The following SPAG16 variants were observed in gnomAD, a reference collection of about 807,000 sequenced individuals.
SPAG16 encodes sperm associated antigen 16.
SPAG16 carries 86 observed loss-of-function variants against 80.4 expected under a neutral mutation model. The observed-to-expected ratio is 1.07, with a 90% confidence interval of 0.90 to 1.28. The LOEUF (loss-of-function observed/expected upper bound fraction) is 1.28, where lower values mean the gene tolerates loss of function less well. SPAG16 is among the 50% of genes most tolerant of loss of function. The pLI is 0.00. For synonymous variants in SPAG16, 294 were observed against 265.9 expected (o/e 1.11, Z -1.03); for missense variants, 870 against 765.3 (o/e 1.14, Z -1.61).
intron 10 of SPAG16, among the ~76,000 whole-genome samples, chr2:213,720,471 CAAAAA>C (rs57358797): frequency 7.4e-6 from 1 of 135,692 alleles, no homozygotes; most frequent in Non-Finnish European, 1.6e-5. Context: ...ACTAAAAATA[CAAAAA>C]AAAAAAAAAA....
At chr2:213,818,346 G>T (rs961507970) in intron 10 of SPAG16, among the ~76,000 whole-genome samples, 5 of 152,006 alleles carry the variant, frequency 3.3e-5, no homozygotes, top group Non-Finnish European at 5.9e-5. Flanking sequence ...GACCTCAGAG[G>T]AACTTTATCT....
At chr2:214,166,607 C>G (rs2056666314) in intron 15 of SPAG16, among the ~76,000 whole-genome samples, 5 of 152,138 alleles carry the variant, frequency 3.3e-5, no homozygotes, top group Admixed American at 3.3e-4. Context: ...ATTCCTCTAT[C>G]TTTACCCCTT....
intron 4 of SPAG16, among the ~76,000 whole-genome samples, chr2:213,310,897 A>G (rs1047215695): frequency 2.6e-5 from 4 of 151,780 alleles, no homozygotes; most frequent in African/African-American, 9.7e-5. Context: ...CATATTCTAG[A>G]AAGGGGGATT....
At chr2:213,882,263 T>C (rs1244599288) in intron 11 of SPAG16, among the ~76,000 whole-genome samples, 1 of 152,212 alleles carries the variant, frequency 6.6e-6, no homozygotes, top group Non-Finnish European at 1.5e-5. Context: ...TGTGTCTATA[T>C]TCATCAGGGA....
rs552016567 is a variant in SPAG16, at chr2:213,397,729, G to C, written c.942+22610G>C. 2.6e-5 allele frequency among the ~76,000 whole-genome samples: 4 copies of C among 152,036 alleles called. No individual in the cohort carries two copies. The South Asian group carries it at 8.3e-4, about 32-fold the overall frequency. The stretch of plus-strand genomic sequence containing the variant: ...TAATTTTTCATTGCCTCTATTGTTT[G>C]CTCCCTACCCCCCGAATCTCTGCAT... On this transcript the variant is annotated intron_variant, in intron 9 of 15. Transcript: ENST00000331683.
intron 15 of SPAG16, among the ~76,000 whole-genome samples, chr2:214,368,676 T>C (rs1699632842): frequency 6.6e-6 from 1 of 152,050 alleles, no homozygotes; most frequent in African/African-American, 2.4e-5. Context: ...ATTACTATTA[T>C]CCTGAACGAA....
intron 3 of SPAG16, among the ~76,000 whole-genome samples, chr2:213,299,219 CTTAT>C (rs1054533436): frequency 2.0e-5 from 3 of 151,708 alleles, no homozygotes; most frequent in African/African-American, 7.3e-5. Flanking sequence ...TGTAAATTAT[CTTAT>C]TTGTTAAAAT....
chr2:213,850,764 G>A (rs892801143), intron 10 of SPAG16, among the ~76,000 whole-genome samples: 1 of 151,994 alleles, frequency 6.6e-6, no homozygotes, highest in African/African-American at 2.4e-5. Flanking sequence ...GTGTCGATGA[G>A]GTTTGGTCAG....
At chr2:213,869,080 CAT>C (rs1248317998) in intron 11 of SPAG16, among the ~76,000 whole-genome samples, 1 of 151,082 alleles carries the variant, frequency 6.6e-6, no homozygotes, top group Non-Finnish European at 1.5e-5. Flanking sequence ...GGTGAAACCT[CAT>C]CTCTACTAAA....
chr2:214,053,147 A>G (rs988497485), intron 13 of SPAG16, among the ~76,000 whole-genome samples: 3 of 152,174 alleles, frequency 2.0e-5, no homozygotes, highest in African/African-American at 7.2e-5. Flanking sequence ...AAGGCATGCA[A>G]TTCGAGCATG....
intron 12 of SPAG16, among the ~76,000 whole-genome samples, chr2:213,933,869 A>G (rs2078878333): frequency 6.6e-6 from 1 of 152,226 alleles, no homozygotes; most frequent in Admixed American, 6.5e-5. Flanking sequence ...TTAGAAACCT[A>G]CCAAGTTTTT....
intron 10 of SPAG16, among the ~76,000 whole-genome samples, chr2:213,537,655 C>T (rs2076296762): frequency 6.6e-6 from 1 of 151,972 alleles, no homozygotes; most frequent in Admixed American, 6.6e-5. Flanking sequence ...TTGGCAAAGC[C>T]ACCTCTTAAC....
intron 7 of SPAG16, among the ~76,000 whole-genome samples, chr2:213,355,629 G>T (rs1056130000): frequency 6.6e-6 from 1 of 152,116 alleles, no homozygotes; most frequent in African/African-American, 2.4e-5. Context: ...TGAAGCAATT[G>T]TGAATGGGAT....
intron 10 of SPAG16, among the ~76,000 whole-genome samples, chr2:213,800,867 T>A (rs545308697): frequency 6.6e-6 from 1 of 152,266 alleles, no homozygotes; most frequent in African/African-American, 2.4e-5. Flanking sequence ...CTATGCTTTC[T>A]ACCAAGTGTC....
intron 10 of SPAG16, among the ~76,000 whole-genome samples, chr2:213,759,964 G>A (rs899186630): frequency 2.6e-5 from 4 of 152,084 alleles, no homozygotes; most frequent in Non-Finnish European, 5.9e-5. Flanking sequence ...GAACCCAGGA[G>A]GCGGAGGCTG....
At chr2:214,015,560 T>G (rs2047550817) in intron 13 of SPAG16, among the ~76,000 whole-genome samples, 1 of 150,506 alleles carries the variant, frequency 6.6e-6, no homozygotes, top group African/African-American at 2.5e-5. Flanking sequence ...ATCATGCCAT[T>G]GCACTCTAGC....
chr2:213,393,295 A>G (rs2067864359), intron 9 of SPAG16, among the ~76,000 whole-genome samples: 1 of 151,982 alleles, frequency 6.6e-6, no homozygotes, highest in East Asian at 1.9e-4. Flanking sequence ...ATGAAAAATA[A>G]GAATTTGTAG....
intron 12 of SPAG16, among the ~76,000 whole-genome samples, chr2:213,979,462 CT>C (rs1457121276): frequency 6.6e-6 from 1 of 152,004 alleles, no homozygotes; most frequent in Non-Finnish European, 1.5e-5. Flanking sequence ...TTCTGCATTG[CT>C]GGGGAGGCCT....
chr2:214,202,874 G>A (rs1411939944), intron 15 of SPAG16, among the ~76,000 whole-genome samples: 1 of 152,134 alleles, frequency 6.6e-6, no homozygotes, highest in African/African-American at 2.4e-5. Context: ...ACCAGAGAAA[G>A]CATCACAGAT....
Sources: allele counts gnomAD v4.1 joint callset (sites outside exome capture counted in the v4.1 genomes callset), GRCh38; gene constraint gnomAD v4.1.1; transcripts MANE v1.5; gene names NCBI Gene and HGNC (gene_info 2026-07-23, HGNC 2026-07-21).